ETV1: variants seen among roughly 807,000 people sequenced by gnomAD.
The protein encoded by ETV1 is ETS translocation variant 1.
A neutral mutation model predicts 62.3 loss-of-function variants in ETV1; 27 were observed. The ratio of observed to expected loss-of-function variants is 0.43; its 90% CI spans 0.32 to 0.60. The LOEUF is 0.60. ETV1 is among the 20% of genes least tolerant of loss of function. The pLI is 0.06. For missense variants in ETV1, 605 were observed against 605.8 expected (o/e 1.00, Z 0.01); for synonymous variants, 222 against 199.6 (o/e 1.11, Z -0.94).
chr7:13,990,008 TG>T (rs1168015325), upstream of ETV1: 1 of 160,224 alleles, frequency 6.2e-6, no homozygotes, highest in Non-Finnish European at 1.4e-5. Flanking sequence ...ACTATTGGGC[TG>T]GTTTCCTTAA....
intron 6 of ETV1, among the ~76,000 whole-genome samples, chr7:13,949,085 A>G (rs1788496354): frequency 6.6e-6 from 1 of 152,224 alleles, no homozygotes; most frequent in Non-Finnish European, 1.5e-5. Context: ...AAAAAATATA[A>G]CTGAAAAAGT....
Position 13,931,582 on chromosome 7 carries a change from A to T in ETV1, c.722T>A (p.Met241Lys), listed in dbSNP as rs768827110. The change falls in exon 9 of 14, where the codon ATG becomes AAG. Residue 241 changes from methionine (M) to lysine (K), a missense_variant. Physicochemically the swap from Met to Lys is moderately conservative, Grantham distance 95. This residue lies in a region of ETV1 where 426 missense variants were observed against 377.8 expected (regional missense o/e 1.13). Transcript: ENST00000430479. ...GCTTTGGCTGGCCGCACTGCCAACC[A>T]TGGTGTTGTGTTCATACACTGGGTC... ...YHDPVYEHNT[M>K]VGSAASQSFP... 5.0e-6 allele frequency: 8 copies of T among 1,613,920 alleles called. No individual in the cohort carries two copies. The highest frequency in any genetic ancestry group is 6.8e-6 in the Non-Finnish European group (8 of 1,179,900).
At chr7:13,911,409 G>A (rs569811205) in intron 9 of ETV1, 102 bp from the exon 10 acceptor site, 1 of 738,428 alleles carries the variant, frequency 1.4e-6, no homozygotes, top group African/African-American at 1.7e-5. Flanking sequence ...ACGGACACAG[G>A]TTCCAATGTG....
At chr7:13,986,060 C>CTG in intron 5 of ETV1, 1 of 1,189,312 alleles carries the variant, frequency 8.4e-7, no homozygotes, top group South Asian at 1.3e-5. Context: ...TTTTTAAAAT[C>CTG]CTCATATCTC....
chr7:13,979,985 A>C (rs1781827363), intron 5 of ETV1, among the ~76,000 whole-genome samples: 1 of 152,180 alleles, frequency 6.6e-6, no homozygotes, highest in Non-Finnish European at 1.5e-5. Context: ...ATAATCTAGA[A>C]GTTATACCTC....
chr7:13,922,772 T>A (rs1363068518), intron 9 of ETV1, among the ~76,000 whole-genome samples: 1 of 152,228 alleles, frequency 6.6e-6, no homozygotes, highest in African/African-American at 2.4e-5. Context: ...TTAATTAGTG[T>A]CTTTCAACAG....
At chr7:13,907,411 T>C (rs1369392692) in intron 11 of ETV1, among the ~76,000 whole-genome samples, 5 of 152,196 alleles carry the variant, frequency 3.3e-5, no homozygotes, top group Non-Finnish European at 4.4e-5. Context: ...TATGTATTTT[T>C]AAGCACAAAA....
At chr7:13,918,874 T>TTA (rs1554295311) in intron 9 of ETV1, among the ~76,000 whole-genome samples, 1 of 141,680 alleles carries the variant, frequency 7.1e-6, no homozygotes, top group Admixed American at 7.0e-5. Flanking sequence ...TAAAGTATAA[T>TTA]AAAAAAAAAA....
At chr7:13,902,180 T>C (rs1000706255) in intron 12 of ETV1, among the ~76,000 whole-genome samples, 1 of 152,138 alleles carries the variant, frequency 6.6e-6, no homozygotes, top group African/African-American at 2.4e-5. Flanking sequence ...AAATTCCAAG[T>C]TGTTGCTATG....
chr7:13,924,491 C>G (rs11982367), intron 9 of ETV1, among the ~76,000 whole-genome samples: 3,736 of 152,254 alleles, frequency 0.025, 157 homozygotes, highest in African/African-American at 0.085. Context: ...TGCTACCTCA[C>G]TGCGGTGAAC....
intron 8 of ETV1, among the ~76,000 whole-genome samples, chr7:13,934,392 A>C (rs1451503607): frequency 6.6e-6 from 1 of 152,210 alleles, no homozygotes; most frequent in Non-Finnish European, 1.5e-5. Context: ...AGTCCCATGA[A>C]AAAACCTATA....
chr7:13,893,076 C>T lies in ETV1; in HGVS notation c.*2790G>A, dbSNP rs554170878. The T allele has an allele frequency of 4.3e-6, 1 of 232,564 alleles. No individual in the cohort carries two copies. Among genetic ancestry groups the T allele is most frequent in the Non-Finnish European group, 8.5e-6 (1 of 117,770 alleles). The allele number at this position is 232,564 out of a possible 1,614,324, so 14.4% of individuals were successfully genotyped here. ...TCTGAAGCACTTTTCATGGACATAA[C>T]AAGAAAAATTATTTTTACTTAGTTA... On this transcript the variant is annotated 3_prime_UTR_variant, in exon 14 of 14. Transcript: ENST00000430479.
chr7:13,910,604 G>A (rs1335400361), intron 10 of ETV1: 1 of 202,534 alleles, frequency 4.9e-6, no homozygotes, highest in Non-Finnish European at 8.8e-6. Context: ...CTATTAAAGA[G>A]ATGTAGAGTG....
At chr7:13,925,230 C>G (rs1045405454) in intron 9 of ETV1, among the ~76,000 whole-genome samples, 3 of 152,108 alleles carry the variant, frequency 2.0e-5, no homozygotes, top group African/African-American at 4.8e-5. Context: ...TTGTTTAAAC[C>G]TATTAGGATA....
At chr7:13,920,422 A>T (rs1311582440) in intron 9 of ETV1, among the ~76,000 whole-genome samples, 3 of 148,698 alleles carry the variant, frequency 2.0e-5, no homozygotes, top group East Asian at 4.1e-4. Context: ...ATAAATGGAC[A>T]TTCCAGAGAG....
intron 9 of ETV1, among the ~76,000 whole-genome samples, chr7:13,930,702 G>C (rs1786009008): frequency 6.6e-6 from 1 of 152,112 alleles, no homozygotes. Context: ...AGCTCACAGA[G>C]ACAAAGCTAA....
At chr7:13,959,727 T>C (rs1483830459) in intron 6 of ETV1, among the ~76,000 whole-genome samples, 1 of 151,584 alleles carries the variant, frequency 6.6e-6, no homozygotes. Context: ...CTACTAAAAA[T>C]ACAAAAAGTA....
chr7:13,925,958 C>T (rs1297414098), intron 9 of ETV1, among the ~76,000 whole-genome samples: 1 of 151,964 alleles, frequency 6.6e-6, no homozygotes, highest in Non-Finnish European at 1.5e-5. Context: ...TACAAAATAT[C>T]ACCTATAATA....
At chr7:13,941,522 A>G (rs918650818) in intron 6 of ETV1, among the ~76,000 whole-genome samples, 1 of 152,168 alleles carries the variant, frequency 6.6e-6, no homozygotes, top group South Asian at 2.1e-4. Flanking sequence ...ATGTGTCCTA[A>G]ATTTCCTGGG....
Sources: gnomAD v4.1 joint callset for allele counts (sites outside exome capture counted in the v4.1 genomes callset) on GRCh38, gnomAD v4.1.1 for gene constraint, gnomAD v4.1.1 regional missense constraint, MANE v1.5 for transcripts, NCBI Gene and HGNC (gene_info 2026-07-23, HGNC 2026-07-21) for gene names.